Variants in SUGCT observed in about 807,000 individuals in gnomAD.
SUGCT encodes succinyl-CoA:glutarate CoA-transferase.
SUGCT carries 41 observed loss-of-function variants against 55.0 expected under a neutral mutation model. That is an observed-to-expected ratio of 0.74 (90% CI 0.58 to 0.97). SUGCT has a LOEUF of 0.97. Ranked by LOEUF, SUGCT falls within the 50% of genes least tolerant of loss-of-function variation. The pLI is 0.00. For synonymous variants in SUGCT, 187 were observed against 200.4 expected (o/e 0.93, Z 0.56); for missense variants, 568 against 547.8 (o/e 1.04, Z -0.37).
chr7:40,771,430 T>G (rs1462367007), intron 13 of SUGCT, among the ~76,000 whole-genome samples: 1 of 152,150 alleles, frequency 6.6e-6, no homozygotes, highest in East Asian at 1.9e-4. Flanking sequence ...TTCTAGCATT[T>G]TTTTTCTAAT....
chr7:40,736,350 A>G (rs1027684481), intron 12 of SUGCT, among the ~76,000 whole-genome samples: 1 of 148,938 alleles, frequency 6.7e-6, no homozygotes, highest in Non-Finnish European at 1.5e-5. Flanking sequence ...GTATATATAA[A>G]TGTATATATA....
chr7:40,848,614 A>T (rs1793700186), intron 13 of SUGCT, among the ~76,000 whole-genome samples: 1 of 152,010 alleles, frequency 6.6e-6, no homozygotes, highest in South Asian at 2.1e-4. Flanking sequence ...CTCCTTATTA[A>T]GTTAAAAAAC....
intron 8 of SUGCT, among the ~76,000 whole-genome samples, chr7:40,310,852 T>C (rs1204637905): frequency 6.6e-6 from 1 of 152,230 alleles, no homozygotes; most frequent in African/African-American, 2.4e-5. Context: ...CCTTTGGTGA[T>C]AGAGGAAGGA....
chr7:40,596,357 T>C (rs1798009440), intron 12 of SUGCT, among the ~76,000 whole-genome samples: 1 of 152,184 alleles, frequency 6.6e-6, no homozygotes, highest in African/African-American at 2.4e-5. Flanking sequence ...GTACTACCGA[T>C]ATTAAAAGGA....
chr7:40,380,860 C>T (rs150608782), intron 9 of SUGCT, among the ~76,000 whole-genome samples: 2 of 152,218 alleles, frequency 1.3e-5, no homozygotes, highest in African/African-American at 4.8e-5. Flanking sequence ...GCATAATTAC[C>T]TATTTCCTGT....
intron 12 of SUGCT, among the ~76,000 whole-genome samples, chr7:40,641,160 G>T (rs1008724206): frequency 3.3e-5 from 5 of 152,262 alleles, no homozygotes; most frequent in Non-Finnish European, 7.4e-5. Context: ...CCCTCCCTCT[G>T]CAGTCCCTTC....
At chr7:40,207,391 G>A (rs1297522775) in intron 6 of SUGCT, among the ~76,000 whole-genome samples, 1 of 152,066 alleles carries the variant, frequency 6.6e-6, no homozygotes, top group Non-Finnish European at 1.5e-5. Flanking sequence ...CATTAAGATG[G>A]ATACTATCAA....
chr7:40,811,796 A>G (rs768612790), intron 13 of SUGCT, among the ~76,000 whole-genome samples: 2 of 152,078 alleles, frequency 1.3e-5, no homozygotes, highest in Non-Finnish European at 2.9e-5. Flanking sequence ...CATTTCCAGT[A>G]CTGTATTGAA....
intron 1 of SUGCT, among the ~76,000 whole-genome samples, chr7:40,156,320 C>T (rs1032810191): frequency 1.3e-5 from 2 of 151,864 alleles, no homozygotes; most frequent in African/African-American, 4.8e-5. Context: ...AAAATTAGCC[C>T]GGCGTGGTGA....
chr7:40,589,385 T>A (rs1333720041), intron 12 of SUGCT, among the ~76,000 whole-genome samples: 2 of 152,152 alleles, frequency 1.3e-5, no homozygotes, highest in Non-Finnish European at 2.9e-5. Context: ...TTAGGGCCAG[T>A]TTCTCTGCTT....
chr7:40,588,298 T>C (rs2151727422), intron 12 of SUGCT, among the ~76,000 whole-genome samples: 1 of 152,196 alleles, frequency 6.6e-6, no homozygotes, highest in South Asian at 2.1e-4. Context: ...TAGTTACATA[T>C]GTATACATGT....
At chr7:40,479,046 C>CTG (rs59275731) in intron 11 of SUGCT, among the ~76,000 whole-genome samples, 5,997 of 151,916 alleles carry the variant, frequency 0.039, 372 homozygotes, top group African/African-American at 0.14. Context: ...TGATAGTCCA[C>CTG]TGTGTGTGTG....
rs192947395 is a variant in SUGCT, at chr7:40,531,203, A to G, written c.1089+34817A>G. On this transcript the variant is annotated intron_variant, in intron 12 of 13. Transcript: ENST00000335693. ...TAAGATGCACATGGAGAAAGTGCCT[A>G]GATATAAAGGCTGAAAAGTAGGATT... Among the ~76,000 whole-genome samples the G allele has an allele frequency of 1.8e-3, 276 of 152,288 alleles. 1 individual carries two copies. Among genetic ancestry groups the G allele is most frequent in the Non-Finnish European group, 3.1e-3 (214 of 68,016 alleles).
At chr7:40,869,124 CTG>C in the SUGCT span, among the ~76,000 whole-genome samples, 1 of 152,190 alleles carries the variant, frequency 6.6e-6, no homozygotes, top group Non-Finnish European at 1.5e-5. Context: ...GCCACACACA[CTG>C]TCTCTCAGTT....
the SUGCT span, among the ~76,000 whole-genome samples, chr7:40,998,304 G>A: frequency 9.2e-5 from 14 of 152,030 alleles, no homozygotes; most frequent in Non-Finnish European, 1.5e-4. Flanking sequence ...CCTGGGAGGT[G>A]GAGGTTGCAG....
the SUGCT span, among the ~76,000 whole-genome samples, chr7:40,968,859 G>C: frequency 2.6e-5 from 4 of 152,120 alleles, no homozygotes; most frequent in Non-Finnish European, 4.4e-5. Flanking sequence ...ATGGCACCCA[G>C]ACCCCACAGA....
intron 12 of SUGCT, among the ~76,000 whole-genome samples, chr7:40,682,902 T>G (rs768532952): frequency 4.5e-4 from 69 of 152,178 alleles, no homozygotes; most frequent in Non-Finnish European, 8.5e-4. Context: ...GGAAAAGATA[T>G]GTTTGAAAAT....
chr7:40,590,303 G>T (rs185246747), intron 12 of SUGCT, among the ~76,000 whole-genome samples: 145 of 152,222 alleles, frequency 9.5e-4, no homozygotes, highest in Admixed American at 2.2e-3. Flanking sequence ...TATTGGCCTT[G>T]AAGTGTTCAA....
At chr7:40,423,839 G>T (rs115291617) in intron 9 of SUGCT, among the ~76,000 whole-genome samples, 13 of 151,952 alleles carry the variant, frequency 8.6e-5, no homozygotes, top group Non-Finnish European at 1.9e-4. Flanking sequence ...ACATCAAGGG[G>T]TTTATTTGGA....
Sources: allele counts gnomAD v4.1 joint callset (sites outside exome capture counted in the v4.1 genomes callset), GRCh38; gene constraint gnomAD v4.1.1; transcripts MANE v1.5; gene names NCBI Gene and HGNC (gene_info 2026-07-23, HGNC 2026-07-21).